The following INPP5B variants were observed in gnomAD, a reference collection of about 807,000 sequenced individuals.
INPP5B encodes type II inositol 1,4,5-trisphosphate 5-phosphatase.
Under a neutral mutation model 118.5 loss-of-function variants are expected in INPP5B, and 90 were observed. The observed-to-expected ratio is 0.76, with a 90% confidence interval of 0.64 to 0.90. The LOEUF is 0.90. INPP5B is among the 40% of genes least tolerant of loss of function. The pLI is 0.00. For synonymous variants in INPP5B, 385 were observed against 418.9 expected (o/e 0.92, Z 0.99); for missense variants, 984 against 1,125.6 (o/e 0.87, Z 1.80).
At chr1:37,917,883 T>C (rs1487074799) in intron 7 of INPP5B, among the ~76,000 whole-genome samples, 1 of 152,152 alleles carries the variant, frequency 6.6e-6, no homozygotes, top group Non-Finnish European at 1.5e-5. Context: ...GCCATCCTGG[T>C]TGATTATGAA....
At chr1:37,918,467 G>A (rs1297388137) in intron 7 of INPP5B, among the ~76,000 whole-genome samples, 2 of 152,058 alleles carry the variant, frequency 1.3e-5, no homozygotes, top group East Asian at 1.9e-4. Context: ...CCTCTCCTTC[G>A]AAGCCCAGCC....
rs544998379 is a variant in INPP5B at position 37,862,127 on chromosome 1, G to C, written c.*188C>G. 2.0e-6 allele frequency: 1 copy of C among 494,796 alleles called. No individual in the cohort carries two copies. The highest frequency in any genetic ancestry group is 1.9e-5 in the African/African-American group (1 of 51,398). 30.7% of individuals were successfully genotyped at this position (494,796 alleles called of 1,614,324 possible). On this transcript the variant is annotated 3_prime_UTR_variant, in exon 24 of 24. Transcript: ENST00000373024. ...GTTTTATTATGGTGGATTTTCTCCC[G>C]TGTCTTCACGACTCACAGCGCTGAG...
intron 19 of INPP5B, among the ~76,000 whole-genome samples, chr1:37,871,014 G>T (rs1294793728): frequency 6.6e-6 from 1 of 151,458 alleles, no homozygotes; most frequent in Non-Finnish European, 1.5e-5. Flanking sequence ...AAAATTAGCT[G>T]GGCATGGTGG....
chr1:37,900,144 C>T (rs1438544598), intron 7 of INPP5B, among the ~76,000 whole-genome samples: 7 of 144,826 alleles, frequency 4.8e-5, no homozygotes, highest in Non-Finnish European at 8.9e-5. Context: ...TGCAGTGGGG[C>T]AATCTCAGCT....
chr1:37,874,122 T>G lies in INPP5B; in HGVS notation c.1822A>C (p.Lys608Gln). The G allele has an allele frequency of 6.3e-7, 1 of 1,591,818 alleles. No homozygotes were observed. The highest frequency in any genetic ancestry group is 8.6e-7 in the Non-Finnish European group (1 of 1,163,530). Residue 608 changes from lysine (K) to glutamine (Q), a missense_variant, in exon 18 of 24, where the codon AAA (lysine) becomes CAA (glutamine). This residue lies in a region of INPP5B where 634 missense variants were observed against 791.0 expected (regional missense o/e 0.80). Coordinates refer to ENST00000373024, the MANE Select transcript of INPP5B (RefSeq NM_005540.3). ...CFQNVKYMQL[K>Q]VESFTIHNGQ... Reference sequence around the variant, plus strand: ...TTATGAATTGTAAAGGATTCTACTTTCAATTGCATGTACTTCACATTCTGA... The same window carrying G: ...TTATGAATTGTAAAGGATTCTACTTGCAATTGCATGTACTTCACATTCTGA...
chr1:37,898,714 C>A (rs1048226967), intron 7 of INPP5B, among the ~76,000 whole-genome samples: 1 of 150,856 alleles, frequency 6.6e-6, no homozygotes, highest in Non-Finnish European at 1.5e-5. Context: ...AAAGAATGAA[C>A]CTTAATGTAT....
At chr1:37,916,003 G>A (rs1276223892) in intron 7 of INPP5B, among the ~76,000 whole-genome samples, 1 of 152,158 alleles carries the variant, frequency 6.6e-6, no homozygotes, top group African/African-American at 2.4e-5. Context: ...TCTGTTGAAG[G>A]CCCAGACCTA....
At position 37,862,298 on chromosome 1, in the gene INPP5B, TAGG is replaced by T. The variant is rs543216949; in HGVS notation, c.*14_*16del. ...TGGTAATTGGCAGCCTCAAGTAAAA[TAGG>T]AGGAGAGAGAGGCTCAGAGTGGGTT... is the stretch of plus-strand genomic sequence containing the variant. On this transcript the variant is annotated 3_prime_UTR_variant, in exon 24 of 24. Coordinates refer to ENST00000373024, the MANE Select transcript of INPP5B (RefSeq NM_005540.3). 1.6e-4 allele frequency: 252 copies of T among 1,543,300 alleles called. No individual in the cohort carries two copies. In the African/African-American group the frequency reaches 2.5e-3, roughly 15 times the overall value.
Position 37,925,003 on chromosome 1 carries a change from G to A in INPP5B, c.532+6910C>T, listed in dbSNP as rs563651237. ...AGCCTGGCCAACATGTTGAAACCCC[G>A]TCTTTACTGAAAATACAAAGAGTAG... On this transcript the variant is annotated intron_variant, in intron 7 of 23. Coordinates refer to ENST00000373024, the MANE Select transcript of INPP5B (RefSeq NM_005540.3). Among the ~76,000 whole-genome samples, 12 of 152,208 alleles carry A rather than the reference G, an allele frequency of 7.9e-5. No individual in the cohort carries two copies. The East Asian group carries it at 1.7e-3, about 22-fold the overall frequency.
chr1:37,874,886 T>C (rs1346070037), intron 17 of INPP5B, among the ~76,000 whole-genome samples: 1 of 152,206 alleles, frequency 6.6e-6, no homozygotes, highest in Non-Finnish European at 1.5e-5. Context: ...CATGTGGCTC[T>C]TCCATGAAAA....
At chr1:37,890,484 C>T (rs1477700305) in intron 8 of INPP5B, among the ~76,000 whole-genome samples, 1 of 152,096 alleles carries the variant, frequency 6.6e-6, no homozygotes, top group Non-Finnish European at 1.5e-5. Flanking sequence ...TTATTATTTG[C>T]ATTGTACTGT....
chr1:37,933,899 T>TTTTA (rs140877171), intron 6 of INPP5B, among the ~76,000 whole-genome samples: 2,687 of 134,918 alleles, frequency 0.02, 41 homozygotes, highest in South Asian at 0.051. Flanking sequence ...TCAATTTTTA[T>TTTTA]TTTATTTATT....
Position 37,923,814 on chromosome 1 carries a change from C to T in INPP5B, c.532+8099G>A, listed in dbSNP as rs182098148. Among the ~76,000 whole-genome samples the T allele has an allele frequency of 4.0e-5, 6 of 151,020 alleles. No individual in the cohort carries two copies. The East Asian group carries it at 9.7e-4, about 25-fold the overall frequency. ...TTTTTGAGATGGAGTCTCGCTGTGT[C>T]GCCCAGGCTGGAGTGCAGTGGCGTG... is the stretch of plus-strand genomic sequence containing the variant. On this transcript the variant is annotated intron_variant, in intron 7 of 23. Coordinates refer to ENST00000373024, the MANE Select transcript of INPP5B (RefSeq NM_005540.3).
intron 11 of INPP5B, 76 bp from the exon 12 acceptor site, chr1:37,887,080 G>T: frequency 8.0e-7 from 1 of 1,247,802 alleles, no homozygotes; most frequent in Non-Finnish European, 1.2e-6. Flanking sequence ...TAGTCTGGAA[G>T]CTGGCTGAGA....
chr1:37,891,762 A>C (rs1643860258), intron 7 of INPP5B, among the ~76,000 whole-genome samples: 1 of 152,200 alleles, frequency 6.6e-6, no homozygotes. Flanking sequence ...CAACAAGAGC[A>C]AAACTCCATC....
chr1:37,917,179 C>T (rs1644894762), intron 7 of INPP5B, among the ~76,000 whole-genome samples: 1 of 148,840 alleles, frequency 6.7e-6, no homozygotes, highest in Non-Finnish European at 1.5e-5. Context: ...ATCCCAGCTA[C>T]TCGGGAGGCT....
intron 7 of INPP5B, among the ~76,000 whole-genome samples, chr1:37,911,066 C>T (rs1338852656): frequency 1.3e-5 from 2 of 152,166 alleles, no homozygotes; most frequent in African/African-American, 2.4e-5. Context: ...ACACAAGAGC[C>T]GGGACCGCGC....
At chr1:37,935,045 C>CA (rs1645632448) in intron 6 of INPP5B, among the ~76,000 whole-genome samples, 2 of 150,554 alleles carry the variant, frequency 1.3e-5, no homozygotes, top group Admixed American at 1.3e-4. Flanking sequence ...TAAAAAAATA[C>CA]AAAAAATTAG....
rs1270787599 is a variant in INPP5B, at chr1:37,861,193, G to A, written c.*1122C>T. The stretch of plus-strand genomic sequence containing the variant: ...GAGCAACCAGCCTCAGAGTTATTGA[G>A]CCATTATCTGGGCAGGAACGGGGGT... On this transcript the variant is annotated 3_prime_UTR_variant, in exon 24 of 24. Coordinates refer to ENST00000373024, the MANE Select transcript of INPP5B (RefSeq NM_005540.3). The A allele has an allele frequency of 6.6e-6, 1 of 152,164 alleles. No homozygotes were observed. Among genetic ancestry groups the A allele is most frequent in the East Asian group, 1.9e-4 (1 of 5,190 alleles). 9.4% of individuals were successfully genotyped at this position (152,164 alleles called of 1,614,324 possible).
Sources: gnomAD v4.1 joint callset for allele counts (sites outside exome capture counted in the v4.1 genomes callset) on GRCh38, gnomAD v4.1.1 for gene constraint, gnomAD v4.1.1 regional missense constraint, MANE v1.5 for transcripts, NCBI Gene and HGNC (gene_info 2026-07-23, HGNC 2026-07-21) for gene names.